The following SLC36A1 variants were observed in gnomAD, a reference collection of about 807,000 sequenced individuals.
SLC36A1 encodes the protein solute carrier family 36 member 1, also known as proton-coupled amino acid transporter 1.
In SLC36A1, 30 loss-of-function variants were observed where a neutral mutation model predicts 47.5. The ratio of observed to expected loss-of-function variants is 0.63; its 90% CI spans 0.47 to 0.86. SLC36A1 has a LOEUF of 0.86. Among genes scored for constraint, SLC36A1 ranks in the 40% least tolerant of loss-of-function variants. SLC36A1 has a pLI of 0.00. For synonymous variants in SLC36A1, 255 were observed against 249.7 expected (o/e 1.02, Z -0.20); for missense variants, 517 against 606.0 (o/e 0.85, Z 1.54).
chr5:151,394,423 C>T, the SLC36A1 span, among the ~76,000 whole-genome samples: 2,943 of 152,336 alleles, frequency 0.019, 100 homozygotes, highest in African/African-American at 0.067. Context: ...ATTCTCCGTC[C>T]AGCTTTGTTC....
At chr5:151,417,400 G>A in the SLC36A1 span, among the ~76,000 whole-genome samples, 1 of 152,134 alleles carries the variant, frequency 6.6e-6, no homozygotes, top group Non-Finnish European at 1.5e-5. Context: ...TGGGACACAG[G>A]GCACTATGTC....
chr5:151,457,091 T>G (rs758958502), intron 1 of SLC36A1, among the ~76,000 whole-genome samples: 4 of 152,176 alleles, frequency 2.6e-5, no homozygotes, highest in Non-Finnish European at 5.9e-5. Context: ...TATATTAATG[T>G]ACCCTTTTTT....
At chr5:151,404,447 C>G in the SLC36A1 span, among the ~76,000 whole-genome samples, 1 of 152,090 alleles carries the variant, frequency 6.6e-6, no homozygotes, top group Non-Finnish European at 1.5e-5. Context: ...GATTTTGATC[C>G]TGTCATGATG....
the SLC36A1 span, among the ~76,000 whole-genome samples, chr5:151,362,727 G>T: frequency 2.6e-5 from 4 of 152,108 alleles, no homozygotes; most frequent in Admixed American, 2.6e-4. Context: ...ACTCTCTGAT[G>T]AGTTTTTCAG....
At chr5:151,550,683 G>A in the SLC36A1 span, 1 of 1,614,046 alleles carries the variant, frequency 6.2e-7, no homozygotes, top group African/African-American at 1.3e-5. Context: ...GCTGGAAGAG[G>A]CTGGCACTTC....
chr5:151,410,904 A>G, the SLC36A1 span, among the ~76,000 whole-genome samples: 1 of 144,552 alleles, frequency 6.9e-6, no homozygotes, highest in African/African-American at 2.5e-5. Flanking sequence ...TCTTGCTTCT[A>G]TCCGCTGTGT....
chr5:151,549,457 T>A, the SLC36A1 span: 23 of 1,614,052 alleles, frequency 1.4e-5, no homozygotes, highest in Non-Finnish European at 1.9e-5. Flanking sequence ...TCCACATGAA[T>A]GGTCACCCAC....
the SLC36A1 span, among the ~76,000 whole-genome samples, chr5:151,378,921 A>G: frequency 6.6e-6 from 1 of 152,238 alleles, no homozygotes; most frequent in Non-Finnish European, 1.5e-5. Context: ...CCGTGGAGCC[A>G]ATGGATGGAC....
the SLC36A1 span, among the ~76,000 whole-genome samples, chr5:151,368,422 G>A: frequency 2.2e-4 from 34 of 152,330 alleles, no homozygotes; most frequent in Non-Finnish European, 4.3e-4. Flanking sequence ...TTGCCACTCT[G>A]CAGTGTTAGT....
At chr5:151,425,855 A>G in the SLC36A1 span, among the ~76,000 whole-genome samples, 1 of 152,186 alleles carries the variant, frequency 6.6e-6, no homozygotes, top group Non-Finnish European at 1.5e-5. Context: ...TAGAATAAAA[A>G]GTAAATCTTC....
At chr5:151,527,582 A>T in the SLC36A1 span, among the ~76,000 whole-genome samples, 4 of 152,126 alleles carry the variant, frequency 2.6e-5, no homozygotes, top group Admixed American at 2.6e-4. Flanking sequence ...ATTTGCTGGC[A>T]ATGAGACCTT....
At chr5:151,531,540 G>C in the SLC36A1 span, 1 of 1,606,590 alleles carries the variant, frequency 6.2e-7, no homozygotes, top group Non-Finnish European at 8.5e-7. The surrounding 1 kb of genome is among the most constrained non-coding windows in gnomAD (Gnocchi z 5.7). Context: ...AGCGCTCCCA[G>C]AAACCCTGTA....
chr5:151,528,217 C>T, the SLC36A1 span: 4 of 1,512,182 alleles, frequency 2.6e-6, no homozygotes, highest in Non-Finnish European at 3.6e-6. Context: ...ATGTCCCTGC[C>T]CCAGTGACTG....
chr5:151,500,292 G>C, the SLC36A1 span, among the ~76,000 whole-genome samples: 20,300 of 152,220 alleles, frequency 0.13, 3,983 homozygotes, highest in African/African-American at 0.43. Flanking sequence ...ACATAAATTA[G>C]GGGTCCCTCA....
the SLC36A1 span, among the ~76,000 whole-genome samples, chr5:151,374,139 C>T: frequency 0.29 from 44,636 of 151,996 alleles, 7,907 homozygotes; most frequent in African/African-American, 0.49. Context: ...GGACACCTAC[C>T]CTGGCCGGAA....
At chr5:151,355,993 G>T in the SLC36A1 span, among the ~76,000 whole-genome samples, 9 of 152,158 alleles carry the variant, frequency 5.9e-5, no homozygotes, top group East Asian at 1.4e-3. Flanking sequence ...CAATGTTTTT[G>T]ATTTTAAAGG....
chr5:151,551,758 G>A, the SLC36A1 span: 2 of 612,062 alleles, frequency 3.3e-6, no homozygotes, highest in Non-Finnish European at 5.2e-6. Context: ...CTCCCAGGGA[G>A]TCCCAAAACT....
At chr5:151,347,678 G>A in the SLC36A1 span, 1 of 581,442 alleles carries the variant, frequency 1.7e-6, no homozygotes, top group South Asian at 2.0e-5. Context: ...GAGGAGGAGA[G>A]GAAGGAGGGA....
At chr5:151,391,744 G>A in the SLC36A1 span, among the ~76,000 whole-genome samples, 2 of 152,292 alleles carry the variant, frequency 1.3e-5, no homozygotes, top group South Asian at 4.1e-4. Context: ...GCATCCCAGG[G>A]ATGAAGCCCA....
Sources: gnomAD v4.1 joint callset for allele counts (sites outside exome capture counted in the v4.1 genomes callset) on GRCh38, gnomAD v4.1.1 for gene constraint, Gnocchi (gnomAD v3.1) non-coding constraint, MANE v1.5 for transcripts, NCBI Gene and HGNC (gene_info 2026-07-23, HGNC 2026-07-21) for gene names.